Variants in TCERG1 observed in about 807,000 individuals in gnomAD.
TCERG1 encodes transcription elongation regulator 1.
A neutral mutation model predicts 144.7 loss-of-function variants in TCERG1; 37 were observed. That is an observed-to-expected ratio of 0.26 (90% confidence interval 0.20 to 0.34). TCERG1 has a LOEUF of 0.34. Among genes scored for constraint, TCERG1 ranks in the 10% least tolerant of loss-of-function variants. The pLI is 1.00. For missense variants in TCERG1, 1,027 were observed against 1,380.7 expected (o/e 0.74, Z 4.06); for synonymous variants, 492 against 458.2 (o/e 1.07, Z -0.94).
intron 15 of TCERG1, among the ~76,000 whole-genome samples, chr5:146,490,285 T>C (rs773871782): frequency 4.6e-5 from 7 of 152,198 alleles, no homozygotes; most frequent in African/African-American, 9.6e-5. Context: ...GGTAGACATA[T>C]GTGGATTGAC....
At chr5:146,479,209 A>G (rs757199052) in intron 10 of TCERG1, among the ~76,000 whole-genome samples, 7 of 152,094 alleles carry the variant, frequency 4.6e-5, no homozygotes, top group Non-Finnish European at 8.8e-5. Flanking sequence ...TCTTATTGGT[A>G]ATTTGCCCTT....
At chr5:146,508,808 C>T (rs1768219082) in intron 21 of TCERG1, among the ~76,000 whole-genome samples, 1 of 152,082 alleles carries the variant, frequency 6.6e-6, no homozygotes, top group Admixed American at 6.5e-5. Flanking sequence ...TCCTTAATAT[C>T]CTTATTTTTA....
Position 146,507,318 on chromosome 5 carries a change from G to GA in TCERG1, c.2961+113dup. On this transcript the variant is annotated intron_variant, in intron 20 of 22. Coordinates refer to ENST00000679501, the MANE Select transcript of TCERG1 (RefSeq NM_001382548.1). The surrounding 1 kb of genome is among the most constrained non-coding windows in gnomAD (Gnocchi z 4.6). ...GTCATGGTCTTTAGATTCATTACTG[G>GA]AATGCATCTTATGACAATTCTCTGA... 2.1e-6 allele frequency: 2 copies of GA among 975,448 alleles called. No homozygotes were observed. The highest frequency in any genetic ancestry group is 2.9e-6 in the Non-Finnish European group (2 of 681,700). 60.4% of individuals were successfully genotyped at this position (975,448 alleles called of 1,614,324 possible).
chr5:146,497,429 G>A (rs1005854512), intron 16 of TCERG1, among the ~76,000 whole-genome samples: 5 of 152,296 alleles, frequency 3.3e-5, no homozygotes, highest in Non-Finnish European at 2.9e-5. Context: ...TTGCATGCAT[G>A]AGCCACTGCA....
intron 15 of TCERG1, among the ~76,000 whole-genome samples, chr5:146,489,462 G>T (rs1766185970): frequency 1.3e-5 from 2 of 152,118 alleles, no homozygotes. Context: ...ATGGTAATAT[G>T]TTACCAACAT....
intron 21 of TCERG1, 104 bp from the exon 22 acceptor site, chr5:146,509,041 T>G (rs1168195718): frequency 5.7e-6 from 3 of 523,116 alleles, no homozygotes; most frequent in African/African-American, 3.9e-5. Context: ...ATTTTAAATT[T>G]TATTATGTGA....
intron 15 of TCERG1, among the ~76,000 whole-genome samples, chr5:146,490,652 C>T (rs1198764443): frequency 1.3e-5 from 2 of 152,170 alleles, no homozygotes; most frequent in Non-Finnish European, 2.9e-5. Context: ...CTATTGTGCT[C>T]AGTACTTGGC....
chr5:146,469,594 G>A lies in TCERG1; in HGVS notation c.1249G>A (p.Val417Ile). ...TATCGTACCCATGATACATCCCCAG[G>A]TTGCTATTGCAGCTTCACCTGCTAC... ...PPIVPMIHPQ[V>I]AIAASPATLA... Residue 417 changes from valine to isoleucine, a missense_variant, in exon 7 of 23, where the codon GTT becomes ATT. Val to Ile is a conservative substitution (Grantham distance 29, BLOSUM62 3). This residue lies in a region of TCERG1 where 482 missense variants were observed against 632.6 expected (regional missense o/e 0.76). Coordinates refer to ENST00000679501, the MANE Select transcript of TCERG1 (RefSeq NM_001382548.1). The A allele has an allele frequency of 6.2e-7, 1 of 1,613,002 alleles. No homozygotes were observed. The highest frequency in any genetic ancestry group is 1.7e-5 in the Admixed American group (1 of 59,862).
At chr5:146,494,739 G>T (rs1427446052) in intron 16 of TCERG1, among the ~76,000 whole-genome samples, 2 of 151,944 alleles carry the variant, frequency 1.3e-5, no homozygotes, top group Non-Finnish European at 2.9e-5. Flanking sequence ...TAAATATAGA[G>T]CACCAGAGTT....
chr5:146,455,187 G>A lies in TCERG1; in HGVS notation c.191G>A (p.Arg64Gln). 6.2e-7 allele frequency: 1 copy of A among 1,614,108 alleles called. No homozygotes were observed. The highest frequency in any genetic ancestry group is 8.5e-7 in the Non-Finnish European group (1 of 1,180,022). ...ATGCGAGGCCCTCCTCCACCACCAC[G>A]GCCGCCCTTTGGACGTCCTCCTTTT... ...GMMRGPPPPP[R>Q]PPFGRPPFDP... Residue 64 changes from arginine (R) to glutamine (Q), a missense_variant, in exon 2 of 23, where the codon CGG becomes CAG. Transcript: ENST00000679501.
At chr5:146,492,424 A>G (rs1042074424) in intron 15 of TCERG1, among the ~76,000 whole-genome samples, 7 of 152,184 alleles carry the variant, frequency 4.6e-5, no homozygotes, top group African/African-American at 1.7e-4. Flanking sequence ...GGTGTGAAGT[A>G]GGTGGTAAAT....
At chr5:146,487,482 C>T (rs1171469226) in intron 15 of TCERG1, among the ~76,000 whole-genome samples, 5 of 152,132 alleles carry the variant, frequency 3.3e-5, no homozygotes, top group South Asian at 4.1e-4. Flanking sequence ...CAAGGTGGCT[C>T]ACGCCTGTAA....
Position 146,492,955 on chromosome 5 carries a change from A to G in TCERG1, c.2199A>G (p.Glu733=). Residue 733 remains glutamate, a synonymous_variant, in exon 16 of 23, where the codon GAA becomes GAG. Transcript: ENST00000679501. The part of the protein sequence containing the change: ...FDQYVKTRAE[E]ERREKKNKIM... ...AGTATGTAAAGACCAGGGCAGAGGA[A>G]GAACGCAGGGAAAAGAAAAATAAAA... is the stretch of plus-strand genomic sequence containing the variant. 6.2e-7 allele frequency: 1 copy of G among 1,608,116 alleles called. No homozygotes were observed. The highest frequency in any genetic ancestry group is 1.1e-5 in the South Asian group (1 of 89,640).
rs866700814 is a variant in TCERG1 at position 146,498,447 on chromosome 5, A to G, written c.2283-89A>G. 9 of 1,391,118 alleles carry G rather than the reference A, an allele frequency of 6.5e-6. 1 individual carries two copies. In the South Asian group the frequency reaches 1.3e-4, roughly 20 times the overall value. 86.2% of individuals were successfully genotyped at this position (1,391,118 alleles called of 1,614,324 possible). A position where few individuals can be genotyped will look rare whatever the true frequency, so the allele number is the denominator to read the frequency against. ...GAGTCCCAGTGTCTCTTTGTCATAT[A>G]CTCTTGTTGGAAAAATGGTATCTTC... On this transcript the variant is annotated intron_variant, in intron 16 of 22. Coordinates refer to ENST00000679501, the MANE Select transcript of TCERG1 (RefSeq NM_001382548.1).
At chr5:146,505,809 A>T (rs1158418197) in intron 19 of TCERG1, among the ~76,000 whole-genome samples, 1 of 151,772 alleles carries the variant, frequency 6.6e-6, no homozygotes, top group Non-Finnish European at 1.5e-5. Flanking sequence ...ATGGAGTCTC[A>T]CTCTGTCACC....
chr5:146,510,318 T>TAA (rs546570760), intron 22 of TCERG1, 123 bp from the exon 23 acceptor site: 5,294 of 545,998 alleles, frequency 9.7e-3, no homozygotes, highest in Middle Eastern at 0.014. Context: ...AAATTTTTCT[T>TAA]AAAAAAAAAA....
intron 9 of TCERG1, 118 bp from the exon 10 acceptor site, chr5:146,478,375 A>G: frequency 9.7e-7 from 1 of 1,031,832 alleles, no homozygotes; most frequent in Non-Finnish European, 1.3e-6. Flanking sequence ...ACTATTGGTA[A>G]TAAGAACATG....
At chr5:146,487,348 G>C (rs1311240480) in intron 15 of TCERG1, among the ~76,000 whole-genome samples, 1 of 152,152 alleles carries the variant, frequency 6.6e-6, no homozygotes, top group Admixed American at 6.5e-5. Context: ...TCATGGATCA[G>C]AATAATTAAT....
chr5:146,450,922 T>C (rs1226301087), intron 1 of TCERG1, among the ~76,000 whole-genome samples: 1 of 152,232 alleles, frequency 6.6e-6, no homozygotes, highest in Non-Finnish European at 1.5e-5. Flanking sequence ...TGAACAGTGA[T>C]ATCAGATACC....
Sources: allele counts gnomAD v4.1 joint callset (sites outside exome capture counted in the v4.1 genomes callset), GRCh38; gene constraint gnomAD v4.1.1; regional missense constraint gnomAD v4.1.1; non-coding constraint Gnocchi (gnomAD v3.1); transcripts MANE v1.5; gene names NCBI Gene and HGNC (gene_info 2026-07-23, HGNC 2026-07-21).